WFDC10A: variants seen among roughly 807,000 people sequenced by gnomAD.
WFDC10A encodes WAP four-disulfide core domain 10A, also known as WAP four-disulfide core domain protein 10A.
WFDC10A carries 2 observed loss-of-function variants against 2.6 expected under a neutral mutation model. That is an observed-to-expected ratio of 0.76 (90% CI 0.31 to 2.40). The LOEUF (loss-of-function observed/expected upper bound fraction) is 2.40, where lower values mean the gene tolerates loss of function less well. Ranked by LOEUF, WFDC10A falls within the 30% of genes most tolerant of loss-of-function variation. The probability of loss-of-function intolerance (pLI) is 0.12; values close to 1 mark genes in which losing one functional copy is unlikely to be tolerated. For missense variants in WFDC10A, 84 were observed against 91.8 expected (o/e 0.92, Z 0.35); for synonymous variants, 36 against 36.3 (o/e 0.99, Z 0.03).
chr20:45,631,084 C>G lies in WFDC10A; in HGVS notation c.*66C>G, dbSNP rs1982358832. ...CCTCTATCCAAGACTGTGCCCACAT[C>G]CGAAGCACAAGGACCTCAAGTCACC... On this transcript the variant is annotated 3_prime_UTR_variant, in exon 2 of 2. Transcript: ENST00000372643. 5 of 1,471,252 alleles carry G rather than the reference C, an allele frequency of 3.4e-6. No homozygotes were observed. The highest frequency in any genetic ancestry group is 3.6e-6 in the Non-Finnish European group (4 of 1,109,254). 91.1% of individuals were successfully genotyped at this position (1,471,252 alleles called of 1,614,324 possible).
intron 1 of WFDC10A, 116 bp from the exon 2 acceptor site, chr20:45,630,754 G>A (rs1982343104): frequency 3.4e-6 from 4 of 1,170,246 alleles, no homozygotes; most frequent in Non-Finnish European, 4.6e-6. Context: ...TATGAAGAAG[G>A]AATCCAGGAG....
In WFDC10A at chr20:45,629,826, A is replaced by G. The variant is rs145677123; in HGVS notation, c.13A>G (p.Thr5Ala). MAPQ[T>A]LLPVLVLCVL... ...TCTGATCAGAGTCATGGCACCCCAG[A>G]CTCTGCTGCCTGTCCTGGTTCTCTG... The change falls in exon 1 of 2, where the codon ACT becomes GCT. Residue 5 changes from threonine (T) to alanine (A), a missense_variant. Physicochemically the swap from Thr to Ala is moderately conservative, Grantham distance 58. Coordinates refer to ENST00000372643, the MANE Select transcript of WFDC10A (RefSeq NM_080753.3). 2.0e-4 allele frequency: 318 copies of G among 1,613,516 alleles called. No homozygotes were observed. The highest frequency in any genetic ancestry group is 5.8e-4 in the Admixed American group (35 of 59,956).
chr20:45,629,758 G>A lies in WFDC10A; in HGVS notation c.-56G>A, dbSNP rs1982309757. 18 of 1,584,450 alleles carry A rather than the reference G, an allele frequency of 1.1e-5. No homozygotes were observed. Among genetic ancestry groups the A allele is most frequent in the Middle Eastern group, 3.3e-4 (2 of 6,036 alleles). On this transcript the variant is annotated 5_prime_UTR_variant, in exon 1 of 2. Coordinates refer to ENST00000372643, the MANE Select transcript of WFDC10A (RefSeq NM_080753.3). The stretch of plus-strand genomic sequence containing the variant: ...TCCTTCACTCTCCGTAGACAGCTCT[G>A]CAGGGAAGTCTGTGACAACCTGGCC...
In WFDC10A at chr20:45,630,983, A is replaced by G. The variant is rs142019313; in HGVS notation, c.205A>G (p.Thr69Ala). The G allele has an allele frequency of 1.3e-4, 210 of 1,608,412 alleles. 3 individuals are homozygous for G. In the East Asian group the frequency reaches 3.9e-3, roughly 30 times the overall value. ...TCAAGCAAATAACATATGCTGTTCT[A>G]CCTACTGTGGGAATGTTTGCATGAG... is the stretch of plus-strand genomic sequence containing the variant. ...DCQANNICCS[T>A]YCGNVCMSIL Residue 69 changes from threonine to alanine, a missense_variant, in exon 2 of 2, where the codon ACC (threonine) becomes GCC (alanine). Coordinates refer to ENST00000372643, the MANE Select transcript of WFDC10A (RefSeq NM_080753.3).
chr20:45,630,234 ATTT>A (rs1245187971), intron 1 of WFDC10A, among the ~76,000 whole-genome samples: 1 of 131,094 alleles, frequency 7.6e-6, no homozygotes, highest in South Asian at 2.6e-4. Context: ...ATTTATGCAC[ATTT>A]GTGAGGAGTA....
rs750475683 is a variant in WFDC10A at position 45,631,008 on chromosome 20, G to T, written c.230G>T (p.Ser77Ile). 6.3e-7 allele frequency: 1 copy of T among 1,599,746 alleles called. No homozygotes were observed. Among genetic ancestry groups the T allele is most frequent in the South Asian group, 1.1e-5 (1 of 88,578 alleles). The part of the protein sequence containing the change: ...CSTYCGNVCM[S>I]IL ...ACCTACTGTGGGAATGTTTGCATGA[G>T]CATCCTGTGAGTGGGAGAGTGGGCT... Residue 77 changes from serine (S) to isoleucine (I), a missense_variant, in exon 2 of 2, where the codon AGC becomes ATC. Transcript: ENST00000372643.
Position 45,631,039 on chromosome 20 carries a change from G to A in WFDC10A, c.*21G>A. 6.4e-7 allele frequency: 1 copy of A among 1,568,842 alleles called. No individual in the cohort carries two copies. The highest frequency in any genetic ancestry group is 8.6e-7 in the Non-Finnish European group (1 of 1,158,798). On this transcript the variant is annotated 3_prime_UTR_variant, in exon 2 of 2. Coordinates refer to ENST00000372643, the MANE Select transcript of WFDC10A (RefSeq NM_080753.3). ...TGTGAGTGGGAGAGTGGGCTGGGATGTGCATCCTGCTTCCCAACTCCTCTA... is the reference window on the plus strand; with the variant it reads ...TGTGAGTGGGAGAGTGGGCTGGGATATGCATCCTGCTTCCCAACTCCTCTA...
Position 45,630,957 on chromosome 20 carries a change from G to T in WFDC10A, c.179G>T (p.Cys60Phe), listed in dbSNP as rs762840006. 6.8e-6 allele frequency: 11 copies of T among 1,612,380 alleles called. No individual in the cohort carries two copies. The highest frequency in any genetic ancestry group is 8.5e-6 in the Non-Finnish European group (10 of 1,179,348). The change falls in exon 2 of 2, where the codon TGT (cysteine) becomes TTT (phenylalanine). Residue 60 changes from cysteine (C) to phenylalanine (F), a missense_variant. Transcript: ENST00000372643. ...CACTTATGTGAATCTCACCGAGATT[G>T]TCAAGCAAATAACATATGCTGTTCT... ...CKHLCESHRD[C>F]QANNICCSTY...
At chr20:45,630,251 A>G (rs1217868365) in intron 1 of WFDC10A, among the ~76,000 whole-genome samples, 3 of 152,162 alleles carry the variant, frequency 2.0e-5, no homozygotes, top group African/African-American at 7.2e-5. Flanking sequence ...AGGAGTAAAG[A>G]TTCAGAAGTG....
chr20:45,630,062 C>G (rs1207086433), intron 1 of WFDC10A, among the ~76,000 whole-genome samples, 158 bp downstream of exon 1: 2 of 151,890 alleles, frequency 1.3e-5, no homozygotes, highest in African/African-American at 4.8e-5. Context: ...AACCATGGCC[C>G]TCCAGCCCCT....
chr20:45,630,393 G>A (rs572578708), intron 1 of WFDC10A, among the ~76,000 whole-genome samples: 1 of 152,266 alleles, frequency 6.6e-6, no homozygotes, highest in South Asian at 2.1e-4. Flanking sequence ...GTGGTGGAAA[G>A]GGAACTAAAG....
chr20:45,629,782 C>A lies in WFDC10A; in HGVS notation c.-32C>A, dbSNP rs773832398. 28 of 1,606,430 alleles carry A rather than the reference C, an allele frequency of 1.7e-5. No homozygotes were observed. The highest frequency in any genetic ancestry group is 8.5e-5 in the Admixed American group (5 of 58,964). On this transcript the variant is annotated 5_prime_UTR_variant, in exon 1 of 2. Transcript: ENST00000372643. ...TGCAGGGAAGTCTGTGACAACCTGG[C>A]CAGACATAGGGCTCACGATCTGATC...
chr20:45,630,012 G>T (rs1982319051), intron 1 of WFDC10A, 108 bp downstream of exon 1: 1 of 1,444,914 alleles, frequency 6.9e-7, no homozygotes, highest in Non-Finnish European at 9.4e-7. Context: ...TGCATATCCA[G>T]CTCTGACCAC....
At chr20:45,630,039 T>C in intron 1 of WFDC10A, 135 bp downstream of exon 1, 1 of 1,278,928 alleles carries the variant, frequency 7.8e-7, no homozygotes. Flanking sequence ...GTGTAGACTC[T>C]GGACTGTCCC....
rs1406264845 is a variant in WFDC10A, at chr20:45,630,009, C to T, written c.91+105C>T. The T allele has an allele frequency of 3.5e-6, 5 of 1,439,436 alleles. No homozygotes were observed. In the Admixed American group the frequency reaches 1.0e-4, roughly 29 times the overall value. The allele number at this position is 1,439,436 out of a possible 1,614,324, so 89.2% of individuals were successfully genotyped here. On this transcript the variant is annotated intron_variant, in intron 1 of 1. Coordinates refer to ENST00000372643, the MANE Select transcript of WFDC10A (RefSeq NM_080753.3). ...TAGGAGTTGGAAACTCTCTGCATATCCAGCTCTGACCACAATGTTGTGTAG... is the reference window on the plus strand; with the variant it reads ...TAGGAGTTGGAAACTCTCTGCATATTCAGCTCTGACCACAATGTTGTGTAG...
rs1288460066 is a variant in WFDC10A at position 45,630,939 on chromosome 20, G to A, written c.161G>A (p.Cys54Tyr). The change falls in exon 2 of 2, where the codon TGT becomes TAT. Residue 54 changes from cysteine (C) to tyrosine (Y), a missense_variant. Coordinates refer to ENST00000372643, the MANE Select transcript of WFDC10A (RefSeq NM_080753.3). ...QPKLYLCKHL[C>Y]ESHRDCQANN... Reference sequence around the variant, plus strand: ...AAACTATATCTATGCAAACACTTATGTGAATCTCACCGAGATTGTCAAGCA... The same window carrying A: ...AAACTATATCTATGCAAACACTTATATGAATCTCACCGAGATTGTCAAGCA... 2 of 1,612,332 alleles carry A rather than the reference G, an allele frequency of 1.2e-6. No homozygotes were observed. Among genetic ancestry groups the A allele is most frequent in the Non-Finnish European group, 1.7e-6 (2 of 1,179,364 alleles).
At chr20:45,630,589 G>A (rs1982339311) in intron 1 of WFDC10A, among the ~76,000 whole-genome samples, 1 of 152,188 alleles carries the variant, frequency 6.6e-6, no homozygotes, top group Non-Finnish European at 1.5e-5. Flanking sequence ...CCAAGGCCAT[G>A]ACTAGTAAGG....
At chr20:45,630,743 C>T (rs1381149105) in intron 1 of WFDC10A, 127 bp from the exon 2 acceptor site, 2 of 1,077,688 alleles carry the variant, frequency 1.9e-6, no homozygotes, top group Middle Eastern at 2.1e-4. Flanking sequence ...GAAGGTAGTT[C>T]TATGAAGAAG....
Position 45,631,090 on chromosome 20 carries a change from C to G in WFDC10A, c.*72C>G, listed in dbSNP as rs1982359073. 6.8e-7 allele frequency: 1 copy of G among 1,463,038 alleles called. No homozygotes were observed. Among genetic ancestry groups the G allele is most frequent in the Non-Finnish European group, 9.1e-7 (1 of 1,103,070 alleles). The allele number at this position is 1,463,038 out of a possible 1,614,324, so 90.6% of individuals were successfully genotyped here. On this transcript the variant is annotated 3_prime_UTR_variant, in exon 2 of 2. Transcript: ENST00000372643. ...TCCAAGACTGTGCCCACATCCGAAG[C>G]ACAAGGACCTCAAGTCACCAGCATA... is the stretch of plus-strand genomic sequence containing the variant.
Sources: gnomAD v4.1 joint callset for allele counts (sites outside exome capture counted in the v4.1 genomes callset) on GRCh38, gnomAD v4.1.1 for gene constraint, MANE v1.5 for transcripts, NCBI Gene and HGNC (gene_info 2026-07-23, HGNC 2026-07-21) for gene names.